Variants in ADGRV1 observed in about 807,000 individuals in gnomAD.
The protein encoded by ADGRV1 is adhesion G protein-coupled receptor V1.
ADGRV1 carries 359 observed loss-of-function variants against 596.2 expected under a neutral mutation model. The observed-to-expected ratio is 0.60, with a 90% CI of 0.55 to 0.66. The LOEUF is 0.66. Among genes scored for constraint, ADGRV1 ranks in the 30% least tolerant of loss-of-function variants. ADGRV1 has a pLI of 0.00. For missense variants in ADGRV1, 7,274 were observed against 7,575.6 expected (o/e 0.96, Z 1.48); for synonymous variants, 2,681 against 2,679.2 (o/e 1.00, Z -0.02).
chr5:90,979,001 A>G (rs1449488242), intron 84 of ADGRV1, among the ~76,000 whole-genome samples: 1 of 152,140 alleles, frequency 6.6e-6, no homozygotes, highest in African/African-American at 2.4e-5. Flanking sequence ...AAGCCTTTGT[A>G]AGTTTTCCTT....
intron 57 of ADGRV1, among the ~76,000 whole-genome samples, chr5:90,758,204 G>T (rs1448062239): frequency 6.6e-6 from 1 of 152,002 alleles, no homozygotes; most frequent in Admixed American, 6.6e-5. Flanking sequence ...GTGGTGGCGG[G>T]CACCTGTAGT....
chr5:90,812,040 G>T (rs1365108768), intron 74 of ADGRV1, among the ~76,000 whole-genome samples: 1 of 150,442 alleles, frequency 6.6e-6, no homozygotes, highest in East Asian at 2.0e-4. Context: ...GCAGTTCTCT[G>T]ACTCAGCTTC....
rs1472655542 is a variant in ADGRV1, at chr5:90,745,320, C to T, written c.10769+55C>T. 1.4e-5 allele frequency: 15 copies of T among 1,092,252 alleles called. No homozygotes were observed. In the Admixed American group the frequency reaches 3.3e-4, roughly 24 times the overall value. 67.7% of individuals were successfully genotyped at this position (1,092,252 alleles called of 1,614,324 possible). ...TTATGTTCACTGTAATTTTGTATGA[C>T]AGCTCATTTCCAAGTCATTATTTGG... On this transcript the variant is annotated intron_variant, in intron 51 of 89. Coordinates refer to ENST00000405460, the MANE Select transcript of ADGRV1 (RefSeq NM_032119.4).
At chr5:90,778,287 G>T in intron 62 of ADGRV1, 140 bp from the exon 63 acceptor site, 1 of 779,924 alleles carries the variant, frequency 1.3e-6, no homozygotes. Flanking sequence ...TTGGTATTGT[G>T]GAGGTGCCTG....
chr5:90,841,634 C>A (rs1165708795), intron 78 of ADGRV1, among the ~76,000 whole-genome samples: 1 of 151,680 alleles, frequency 6.6e-6, no homozygotes, highest in Non-Finnish European at 1.5e-5. Flanking sequence ...AAAGTTATTA[C>A]TTAAAAAAAA....
chr5:90,649,092 C>T (rs990024632), intron 17 of ADGRV1, among the ~76,000 whole-genome samples: 2 of 152,112 alleles, frequency 1.3e-5, no homozygotes, highest in Non-Finnish European at 2.9e-5. Context: ...CAACCTCTGC[C>T]TCCCAGGTTC....
At chr5:90,722,650 G>A (rs1751212067) in intron 45 of ADGRV1, among the ~76,000 whole-genome samples, 1 of 139,932 alleles carries the variant, frequency 7.1e-6, no homozygotes, top group Non-Finnish European at 1.5e-5. Flanking sequence ...GGGAGGTGGA[G>A]GATGCCGTGA....
rs1382899289 is a variant in ADGRV1 at position 90,690,961 on chromosome 5, A to G, written c.6871A>G (p.Asn2291Asp). 6.8e-6 allele frequency: 11 copies of G among 1,613,828 alleles called. No homozygotes were observed. The highest frequency in any genetic ancestry group is 1.3e-5 in the African/African-American group (1 of 75,038). Residue 2291 changes from asparagine (N) to aspartate (D), a missense_variant, in exon 31 of 90, where the codon AAT becomes GAT. Physicochemically the swap from Asn to Asp is conservative, Grantham distance 23 (BLOSUM62 1). Transcript: ENST00000405460. ...ATGDLRVVSG[N>D]VTFAPGETIQ... ...TGGCGACCTGCGAGTTGTCTCAGGTAATGTGACCTTTGCCCCTGGGGAAAC... is the reference window on the plus strand; with the variant it reads ...TGGCGACCTGCGAGTTGTCTCAGGTGATGTGACCTTTGCCCCTGGGGAAAC...
chr5:91,100,176 C>CT (rs1184118607), intron 86 of ADGRV1, among the ~76,000 whole-genome samples: 1 of 152,208 alleles, frequency 6.6e-6, no homozygotes, highest in Non-Finnish European at 1.5e-5. Context: ...AATCCCAGCA[C>CT]TTTGGGAGGC....
chr5:90,629,417 G>A lies in ADGRV1; in HGVS notation c.1717G>A (p.Gly573Ser), dbSNP rs760553439. The A allele has an allele frequency of 7.4e-6, 12 of 1,613,558 alleles. No individual in the cohort carries two copies. The highest frequency in any genetic ancestry group is 2.2e-5 in the East Asian group (1 of 44,818). Reference protein sequence around the residue: ...GAVDPLQAKEGILNISRRNDL... With the variant: ...GAVDPLQAKESILNISRRNDL... ...TGTGGACCCCTTGCAAGCAAAAGAAGGCATCTTAAATATATCAAGGAGAAA... is the reference window on the plus strand; with the variant it reads ...TGTGGACCCCTTGCAAGCAAAAGAAAGCATCTTAAATATATCAAGGAGAAA... The change falls in exon 9 of 90, where the codon GGC becomes AGC. Residue 573 changes from glycine (G) to serine (S), a missense_variant. Physicochemically the swap from Gly to Ser is moderately conservative, Grantham distance 56 (BLOSUM62 0). Around this residue, in one of 5 missense-constraint regions of ADGRV1, gnomAD observed 1,715 missense variants for 1,708.8 expected, o/e 1.00. Transcript: ENST00000405460.
intron 60 of ADGRV1, among the ~76,000 whole-genome samples, chr5:90,774,582 T>C (rs1419947457): frequency 6.6e-6 from 1 of 152,112 alleles, no homozygotes; most frequent in Non-Finnish European, 1.5e-5. Flanking sequence ...AAATGTAAAA[T>C]AAAATATGTC....
chr5:90,992,495 G>T (rs1781053628), intron 85 of ADGRV1, among the ~76,000 whole-genome samples: 1 of 152,214 alleles, frequency 6.6e-6, no homozygotes, highest in Non-Finnish European at 1.5e-5. Context: ...GAACCTAGGT[G>T]TAAAAAGAAC....
chr5:91,041,741 C>A lies in ADGRV1; in HGVS notation c.18153-30706C>A, dbSNP rs1785381037. 2.0e-5 allele frequency among the ~76,000 whole-genome samples: 3 copies of A among 151,842 alleles called. No individual in the cohort carries two copies. In the South Asian group the frequency reaches 6.2e-4, roughly 32 times the overall value. On this transcript the variant is annotated intron_variant, in intron 85 of 89. Transcript: ENST00000405460. ...TTGAAAGAATTTCAATTTCCTGAAG[C>A]TAGATGAGAGTTTTCCAAGGCCTAG...
intron 46 of ADGRV1, 25 bp downstream of exon 46, chr5:90,725,014 T>C (rs1751574936): frequency 1.3e-6 from 2 of 1,564,118 alleles, no homozygotes; most frequent in African/African-American, 1.4e-5. Context: ...TTTTTTATAG[T>C]ACAAAAATAA....
intron 83 of ADGRV1, among the ~76,000 whole-genome samples, chr5:90,879,819 C>T (rs537544821): frequency 7.8e-4 from 118 of 151,920 alleles, no homozygotes; most frequent in Non-Finnish European, 1.2e-3. Flanking sequence ...TGGTGGTGCA[C>T]GCCTGTAATC....
At chr5:91,136,058 G>T (rs1469529657) in intron 87 of ADGRV1, among the ~76,000 whole-genome samples, 1 of 152,094 alleles carries the variant, frequency 6.6e-6, no homozygotes, top group Non-Finnish European at 1.5e-5. Context: ...TGCTTGGAGT[G>T]GGGAATCTGA....
chr5:90,956,441 C>A lies in ADGRV1; in HGVS notation c.17857-8974C>A, dbSNP rs187724016. 5.9e-5 allele frequency among the ~76,000 whole-genome samples: 9 copies of A among 152,254 alleles called. No homozygotes were observed. The East Asian group carries it at 1.7e-3, about 29-fold the overall frequency. ...ATCAGTAAAGTAGTAGAATACAAAC[C>A]TTAGTGTGCTATCTATGTAAAGAAT... On this transcript the variant is annotated intron_variant, in intron 83 of 89. Transcript: ENST00000405460.
intron 85 of ADGRV1, among the ~76,000 whole-genome samples, chr5:91,036,561 T>TA (rs74750705): frequency 0.024 from 2,890 of 117,980 alleles, 57 homozygotes; most frequent in African/African-American, 0.064. Flanking sequence ...GACTCCGTCT[T>TA]AAAAAAAAAA....
intron 86 of ADGRV1, among the ~76,000 whole-genome samples, chr5:91,081,443 A>G (rs1447359868): frequency 6.6e-6 from 1 of 152,136 alleles, no homozygotes; most frequent in Non-Finnish European, 1.5e-5. Flanking sequence ...AAAATTGGCC[A>G]TGTCATAAAA....
Sources: gnomAD v4.1 joint callset for allele counts (sites outside exome capture counted in the v4.1 genomes callset) on GRCh38, gnomAD v4.1.1 for gene constraint, gnomAD v4.1.1 regional missense constraint, MANE v1.5 for transcripts, NCBI Gene and HGNC (gene_info 2026-07-23, HGNC 2026-07-21) for gene names.